The following FHIT variants were observed in gnomAD, a reference collection of about 807,000 sequenced individuals.
The protein encoded by FHIT is bis(5'-adenosyl)-triphosphatase.
A neutral mutation model predicts 17.9 loss-of-function variants in FHIT; 19 were observed. The observed-to-expected ratio is 1.06, with a 90% CI of 0.74 to 1.56. FHIT has a LOEUF of 1.56. Ranked by LOEUF, FHIT falls within the 40% of genes most tolerant of loss-of-function variation. The pLI is 0.00. For synonymous variants in FHIT, 81 were observed against 69.7 expected (o/e 1.16, Z -0.81); for missense variants, 248 against 189.2 (o/e 1.31, Z -1.82).
At chr3:60,139,404 T>A (rs1699942025) in intron 5 of FHIT, among the ~76,000 whole-genome samples, 1 of 151,802 alleles carries the variant, frequency 6.6e-6, no homozygotes, top group Admixed American at 6.6e-5. Flanking sequence ...TAGCACCCAC[T>A]AAGTGAAGAG....
chr3:60,463,040 G>A (rs1559934939), intron 5 of FHIT, among the ~76,000 whole-genome samples: 1 of 152,196 alleles, frequency 6.6e-6, no homozygotes, highest in Non-Finnish European at 1.5e-5. Flanking sequence ...TGGAGGCAAT[G>A]CATTGGCTCC....
At chr3:60,956,851 G>A (rs1195773271) in intron 3 of FHIT, among the ~76,000 whole-genome samples, 4 of 152,232 alleles carry the variant, frequency 2.6e-5, no homozygotes, top group East Asian at 1.9e-4. Context: ...ATCTGTATAC[G>A]TTAGGCCACA....
chr3:60,906,583 T>G (rs1370361803), intron 3 of FHIT, among the ~76,000 whole-genome samples: 1 of 152,190 alleles, frequency 6.6e-6, no homozygotes, highest in African/African-American at 2.4e-5. Context: ...AAGGTAAGGT[T>G]GATACATCTT....
At chr3:61,220,229 C>G (rs779324784) in intron 1 of FHIT, among the ~76,000 whole-genome samples, 1 of 152,212 alleles carries the variant, frequency 6.6e-6, no homozygotes, top group Non-Finnish European at 1.5e-5. Context: ...CAATTTTCAA[C>G]TAAGAGAAGA....
chr3:59,941,521 T>C (rs959118992), intron 7 of FHIT, among the ~76,000 whole-genome samples: 8 of 152,160 alleles, frequency 5.3e-5, no homozygotes, highest in Admixed American at 3.9e-4. Context: ...TCCTGACACA[T>C]TGCATAGACT....
At chr3:60,080,661 T>A (rs956071437) in intron 5 of FHIT, 1 of 152,066 alleles carries the variant, frequency 6.6e-6, no homozygotes, top group African/African-American at 2.4e-5. Flanking sequence ...CTGAGCCTGT[T>A]TGAATTCATA....
chr3:60,096,800 A>G (rs1703968805), intron 5 of FHIT, among the ~76,000 whole-genome samples: 1 of 152,120 alleles, frequency 6.6e-6, no homozygotes, highest in Non-Finnish European at 1.5e-5. Flanking sequence ...TTTACAGAGG[A>G]AATGGTTTTA....
At chr3:60,122,160 C>T (rs1402422605) in intron 5 of FHIT, among the ~76,000 whole-genome samples, 1 of 151,694 alleles carries the variant, frequency 6.6e-6, no homozygotes, top group East Asian at 1.9e-4. Context: ...AAGCAACACA[C>T]AACTGTCAAC....
intron 8 of FHIT, among the ~76,000 whole-genome samples, chr3:59,852,239 A>C (rs1701970939): frequency 6.6e-6 from 1 of 152,158 alleles, no homozygotes; most frequent in Non-Finnish European, 1.5e-5. Flanking sequence ...GGTAGAGAGT[A>C]GAGCAAGAGA....
At chr3:60,308,496 G>GTGTA (rs1158561576) in intron 5 of FHIT, among the ~76,000 whole-genome samples, 81 of 140,936 alleles carry the variant, frequency 5.7e-4, no homozygotes, top group Middle Eastern at 3.7e-3. Flanking sequence ...AGGTGTATGT[G>GTGTA]TATATATATA....
chr3:60,478,018 C>A (rs765999655), intron 5 of FHIT, among the ~76,000 whole-genome samples: 1 of 152,056 alleles, frequency 6.6e-6, no homozygotes, highest in Non-Finnish European at 1.5e-5. Context: ...GTCTTCACAG[C>A]AGAAAATAAT....
chr3:61,135,398 C>T (rs1449733489), intron 2 of FHIT, among the ~76,000 whole-genome samples: 2 of 152,152 alleles, frequency 1.3e-5, no homozygotes, highest in African/African-American at 4.8e-5. Context: ...GTGCCAGGCA[C>T]TTTATAGTCA....
chr3:59,882,907 G>C (rs755819770), intron 8 of FHIT, among the ~76,000 whole-genome samples: 3 of 152,158 alleles, frequency 2.0e-5, no homozygotes, highest in Non-Finnish European at 4.4e-5. Flanking sequence ...AAATGACTTT[G>C]GCCATGACTA....
chr3:60,475,074 A>G (rs1191295809), intron 5 of FHIT, among the ~76,000 whole-genome samples: 1 of 152,214 alleles, frequency 6.6e-6, no homozygotes, highest in East Asian at 1.9e-4. Flanking sequence ...CCTTTGATAT[A>G]AACAGATAGC....
intron 4 of FHIT, among the ~76,000 whole-genome samples, chr3:60,647,001 G>A (rs2039875493): frequency 6.6e-6 from 1 of 152,184 alleles, no homozygotes; most frequent in Admixed American, 6.5e-5. Flanking sequence ...TCAAGAAGTG[G>A]TCCTACATAC....
intron 1 of FHIT, among the ~76,000 whole-genome samples, chr3:61,224,061 A>T (rs2039905866): frequency 6.6e-6 from 1 of 152,206 alleles, no homozygotes; most frequent in African/African-American, 2.4e-5. Context: ...AAAAACGTGG[A>T]TGTCAAGGAT....
chr3:60,053,453 C>G (rs1049549273), intron 5 of FHIT, among the ~76,000 whole-genome samples: 1 of 150,446 alleles, frequency 6.6e-6, no homozygotes, highest in African/African-American at 2.5e-5. Flanking sequence ...AGTATTTTCT[C>G]TGGTGCTTCC....
intron 5 of FHIT, among the ~76,000 whole-genome samples, chr3:60,301,431 C>G (rs1023101039): frequency 6.6e-6 from 1 of 152,242 alleles, no homozygotes; most frequent in South Asian, 2.1e-4. Flanking sequence ...TAAACCTAAA[C>G]TTCTTTATCA....
At chr3:61,158,992 G>A (rs1255672618) in intron 2 of FHIT, among the ~76,000 whole-genome samples, 1 of 152,168 alleles carries the variant, frequency 6.6e-6, no homozygotes, top group East Asian at 1.9e-4. Context: ...ATCCAGCACT[G>A]CTGCTAATTT....
Sources: gnomAD v4.1 joint callset for allele counts (sites outside exome capture counted in the v4.1 genomes callset) on GRCh38, gnomAD v4.1.1 for gene constraint, MANE v1.5 for transcripts, NCBI Gene and HGNC (gene_info 2026-07-23, HGNC 2026-07-21) for gene names.